LINC02747: variants seen among roughly 807,000 people sequenced by gnomAD.
The protein encoded by LINC02747 is CCND1-upstream intergenic DNA repair 2.
chr11:69,477,592 C>T (rs1393826299), exon 2 of LINC02747: 1 of 152,218 alleles, frequency 6.6e-6, no homozygotes, highest in African/African-American at 2.4e-5. Context: ...GAGGTCCTCA[C>T]AGGCTGTCAC....
exon 2 of LINC02747, chr11:69,477,517 G>A (rs1450247718): frequency 2.6e-5 from 4 of 152,162 alleles, no homozygotes; most frequent in South Asian, 2.1e-4. Flanking sequence ...TCATTTTTTC[G>A]GGTTGAGTTC....
intron 1 of LINC02747, among the ~76,000 whole-genome samples, chr11:69,480,690 C>A (rs1000040968): frequency 9.2e-5 from 14 of 152,216 alleles, no homozygotes; most frequent in Middle Eastern, 3.2e-3. Flanking sequence ...AATCGTGAAA[C>A]AAAGTGTTCA....
intron 1 of LINC02747, among the ~76,000 whole-genome samples, chr11:69,478,880 G>A (rs963626824): frequency 8.6e-5 from 13 of 150,932 alleles, no homozygotes; most frequent in African/African-American, 3.2e-4. Flanking sequence ...AAAGAAACCA[G>A]CAATCAGATG....
At chr11:69,477,556 A>G (rs922672629) in exon 2 of LINC02747, 5 of 152,150 alleles carry the variant, frequency 3.3e-5, no homozygotes, top group Admixed American at 2.6e-4. Context: ...TCTCTATTCC[A>G]GGAGAGAGAA....
intron 1 of LINC02747, among the ~76,000 whole-genome samples, chr11:69,480,166 C>A (rs988658810): frequency 1.3e-5 from 2 of 152,198 alleles, no homozygotes; most frequent in African/African-American, 4.8e-5. Flanking sequence ...CGTTCCCTGG[C>A]TGCCTTGGCC....
exon 2 of LINC02747, chr11:69,477,414 C>T (rs1256114208): frequency 2.0e-5 from 3 of 152,262 alleles, no homozygotes; most frequent in Non-Finnish European, 2.9e-5. Context: ...CCTGGGGCTT[C>T]GCTGGGTCCT....
exon 2 of LINC02747, chr11:69,476,845 A>G (rs1400043809): frequency 1.3e-5 from 2 of 152,332 alleles, no homozygotes. Flanking sequence ...GGGGAAGCAC[A>G]TAGCGGGTGA....
chr11:69,481,135 C>G (rs1857044590), intron 1 of LINC02747, among the ~76,000 whole-genome samples: 2 of 152,252 alleles, frequency 1.3e-5, no homozygotes, highest in African/African-American at 2.4e-5. Flanking sequence ...GTCAGAGCAG[C>G]CACTGGGGCA....
chr11:69,481,162 C>T (rs542374231), intron 1 of LINC02747, among the ~76,000 whole-genome samples: 2 of 152,346 alleles, frequency 1.3e-5, no homozygotes, highest in South Asian at 4.1e-4. Context: ...GTTACTAGAT[C>T]CCCACTTGAC....
At chr11:69,476,104 A>C (rs555047323) in exon 2 of LINC02747, 3 of 150,072 alleles carry the variant, frequency 2.0e-5, no homozygotes, top group Non-Finnish European at 4.4e-5. Flanking sequence ...GACCCAGAAC[A>C]TGGGGATCGG....
exon 2 of LINC02747, chr11:69,477,415 G>C (rs1857005893): frequency 6.6e-6 from 1 of 152,266 alleles, no homozygotes; most frequent in South Asian, 2.1e-4. Flanking sequence ...CTGGGGCTTC[G>C]CTGGGTCCTG....
chr11:69,478,903 A>G (rs1289977972), intron 1 of LINC02747, among the ~76,000 whole-genome samples: 1 of 151,746 alleles, frequency 6.6e-6, no homozygotes, highest in East Asian at 1.9e-4. Flanking sequence ...AAGATATCAT[A>G]ATAAGTTTTT....
At chr11:69,478,225 G>A (rs1286646334) in intron 1 of LINC02747, among the ~76,000 whole-genome samples, 2 of 152,212 alleles carry the variant, frequency 1.3e-5, no homozygotes, top group Non-Finnish European at 2.9e-5. Flanking sequence ...ACGAGGGTAA[G>A]CCGTGTGGGG....
chr11:69,476,752 C>A (rs1170485553), exon 2 of LINC02747: 1 of 152,216 alleles, frequency 6.6e-6, no homozygotes, highest in African/African-American at 2.4e-5. Flanking sequence ...GCCTGTGCAC[C>A]GAGGACAAAG....
intron 1 of LINC02747, among the ~76,000 whole-genome samples, chr11:69,478,232 G>T (rs572805311): frequency 6.6e-6 from 1 of 152,292 alleles, no homozygotes; most frequent in Non-Finnish European, 1.5e-5. Flanking sequence ...TAAGCCGTGT[G>T]GGGCAGTAAG....
At chr11:69,478,805 G>A (rs1426263679) in intron 1 of LINC02747, among the ~76,000 whole-genome samples, 6 of 152,138 alleles carry the variant, frequency 3.9e-5, no homozygotes, top group African/African-American at 1.4e-4. Flanking sequence ...GTTGGAGGCT[G>A]CAGCGAGCCG....
exon 2 of LINC02747, chr11:69,476,033 G>A (rs2134959541): frequency 6.6e-6 from 1 of 152,304 alleles, no homozygotes; most frequent in Non-Finnish European, 1.5e-5. Context: ...GGACTCAGGA[G>A]CTAGTCCCTG....
chr11:69,478,491 C>T (rs199943366), intron 1 of LINC02747, among the ~76,000 whole-genome samples: 19 of 152,168 alleles, frequency 1.2e-4, no homozygotes, highest in South Asian at 2.1e-4. Flanking sequence ...GCTGGGCTGG[C>T]GTCTTCTCTC....
intron 1 of LINC02747, among the ~76,000 whole-genome samples, chr11:69,479,026 C>T (rs541527748): frequency 2.4e-4 from 36 of 152,044 alleles, no homozygotes; most frequent in Admixed American, 9.8e-4. Flanking sequence ...AGGCTGAAGC[C>T]GGTGTATAAC....
Sources: gnomAD v4.1 joint callset for allele counts (sites outside exome capture counted in the v4.1 genomes callset) on GRCh38, gnomAD v4.1.1 for gene constraint, MANE v1.5 for transcripts, NCBI Gene and HGNC (gene_info 2026-07-23, HGNC 2026-07-21) for gene names.